TNFAIP8: variants seen among roughly 807,000 people sequenced by gnomAD.
The protein encoded by TNFAIP8 is TNF alpha induced protein 8, also known as tumor necrosis factor alpha-induced protein 8.
Under a neutral mutation model 13.3 loss-of-function variants are expected in TNFAIP8, and 7 were observed. The observed-to-expected ratio is 0.52, with a 90% CI of 0.30 to 0.99. The LOEUF is 0.99. TNFAIP8 is among the 50% of genes least tolerant of loss of function. The pLI is 0.07. For missense variants in TNFAIP8, 258 were observed against 236.9 expected (o/e 1.09, Z -0.58); for synonymous variants, 94 against 87.6 (o/e 1.07, Z -0.41).
intron 1 of TNFAIP8, among the ~76,000 whole-genome samples, chr5:119,369,381 C>G (rs1290596604): frequency 6.6e-6 from 1 of 152,184 alleles, no homozygotes; most frequent in African/African-American, 2.4e-5. Flanking sequence ...AAATGAATCC[C>G]TGGTCTGAAA....
rs188985998 is a variant in TNFAIP8 at position 119,277,440 on chromosome 5, T to A, written c.1+8533T>A. On this transcript the variant is annotated intron_variant, in intron 1 of 1. Coordinates refer to the TNFAIP8 transcript ENST00000274456. ...CTTCAGCCTGAAGAATAAAAATTTT[T>A]AATATTATAGCTCACGTCTACTGGC... 2.8e-3 allele frequency among the ~76,000 whole-genome samples: 420 copies of A among 152,290 alleles called. 1 individual carries two copies. Among genetic ancestry groups the A allele is most frequent in the African/African-American group, 9.6e-3 (398 of 41,554 alleles).
At chr5:119,392,072 T>G (rs1019083852) in intron 1 of TNFAIP8, among the ~76,000 whole-genome samples, 2 of 152,210 alleles carry the variant, frequency 1.3e-5, no homozygotes, top group African/African-American at 4.8e-5. Context: ...TGTAAAAATG[T>G]AAAGTGAACA....
chr5:119,283,920 C>T (rs1214111579), intron 1 of TNFAIP8, among the ~76,000 whole-genome samples: 3 of 152,138 alleles, frequency 2.0e-5, no homozygotes, highest in Non-Finnish European at 4.4e-5. Flanking sequence ...CAGCAGAAGT[C>T]ATACTGAAGA....
chr5:119,272,570 A>G (rs1473885620), intron 1 of TNFAIP8, among the ~76,000 whole-genome samples: 1 of 152,278 alleles, frequency 6.6e-6, no homozygotes, highest in Non-Finnish European at 1.5e-5. Flanking sequence ...TCAAATAACC[A>G]GTGGTATTAC....
At chr5:119,331,282 C>T (rs1750370489) in intron 1 of TNFAIP8, among the ~76,000 whole-genome samples, 1 of 150,256 alleles carries the variant, frequency 6.7e-6, no homozygotes. Flanking sequence ...GGTTTGACTG[C>T]TTCACAAATA....
In TNFAIP8 at chr5:119,356,903, TG is replaced by T. The variant is rs1380723290; in HGVS notation, c.31+788del. ...ATGTATACAAAAGTTCTCTTGTAAG[TG>T]GGGGGTGGGAGTAAGGGTGGTTGGG... On this transcript the variant is annotated intron_variant, in intron 1 of 1. Transcript: ENST00000504771. Among the ~76,000 whole-genome samples, 5 of 151,532 alleles carry T rather than the reference TG, an allele frequency of 3.3e-5. No homozygotes were observed. In the East Asian group the frequency reaches 9.7e-4, roughly 29 times the overall value.
intron 1 of TNFAIP8, among the ~76,000 whole-genome samples, chr5:119,329,754 C>A (rs1488190495): frequency 6.6e-6 from 1 of 151,836 alleles, no homozygotes; most frequent in African/African-American, 2.4e-5. Flanking sequence ...GAGCACCATG[C>A]ACACTGTGGA....
At chr5:119,283,805 A>T (rs1337396897) in intron 1 of TNFAIP8, among the ~76,000 whole-genome samples, 1 of 152,216 alleles carries the variant, frequency 6.6e-6, no homozygotes. Context: ...CAATTGAAGC[A>T]GTACTGGAAA....
At chr5:119,275,331 G>C (rs1182137008) in intron 1 of TNFAIP8, among the ~76,000 whole-genome samples, 1 of 152,146 alleles carries the variant, frequency 6.6e-6, no homozygotes, top group East Asian at 1.9e-4. Context: ...TGAAAATCTA[G>C]ACTTGAGTCA....
intron 1 of TNFAIP8, among the ~76,000 whole-genome samples, chr5:119,365,071 C>G (rs1157618764): frequency 6.6e-6 from 1 of 151,790 alleles, no homozygotes; most frequent in African/African-American, 2.4e-5. Context: ...AGGCTGGTCT[C>G]AAACTCCTGA....
intron 1 of TNFAIP8, among the ~76,000 whole-genome samples, chr5:119,315,769 G>A (rs559600172): frequency 1.2e-4 from 18 of 152,208 alleles, no homozygotes; most frequent in African/African-American, 3.6e-4. Context: ...TGGTAGTGTC[G>A]TCTATCTGAA....
At chr5:119,276,696 A>G (rs974880645) in intron 1 of TNFAIP8, among the ~76,000 whole-genome samples, 2 of 152,144 alleles carry the variant, frequency 1.3e-5, no homozygotes, top group African/African-American at 4.8e-5. Context: ...CTCCCTCTTC[A>G]TAGAGTGCCA....
chr5:119,288,185 C>A (rs990896969), intron 1 of TNFAIP8, among the ~76,000 whole-genome samples: 1 of 152,124 alleles, frequency 6.6e-6, no homozygotes, highest in South Asian at 2.1e-4. Context: ...ATAGCTGTGA[C>A]CATAGAATAT....
intron 1 of TNFAIP8, among the ~76,000 whole-genome samples, chr5:119,371,778 C>T (rs924420018): frequency 3.9e-5 from 6 of 152,182 alleles, no homozygotes; most frequent in Non-Finnish European, 5.9e-5. Flanking sequence ...GTAATCCTGG[C>T]ACTTTGGGAG....
chr5:119,288,057 C>T (rs996158247), intron 1 of TNFAIP8, among the ~76,000 whole-genome samples: 1 of 152,126 alleles, frequency 6.6e-6, no homozygotes, highest in African/African-American at 2.4e-5. Context: ...ATTACTAAGA[C>T]AACTCCCAGC....
chr5:119,309,258 C>A (rs1009190274), intron 1 of TNFAIP8, among the ~76,000 whole-genome samples: 1 of 152,212 alleles, frequency 6.6e-6, no homozygotes, highest in Non-Finnish European at 1.5e-5. Flanking sequence ...GAGGGCTTTT[C>A]TGTGGGTGCC....
At chr5:119,344,861 C>T (rs904608616) in intron 1 of TNFAIP8, among the ~76,000 whole-genome samples, 16 of 152,262 alleles carry the variant, frequency 1.1e-4, no homozygotes, top group South Asian at 2.1e-4. Flanking sequence ...ATATTAAGTA[C>T]GGTTAATATT....
intron 1 of TNFAIP8, among the ~76,000 whole-genome samples, chr5:119,350,893 C>T (rs1751100930): frequency 6.6e-6 from 1 of 152,030 alleles, no homozygotes; most frequent in Admixed American, 6.6e-5. Flanking sequence ...CATCAGCCTC[C>T]CCAGTCTTAT....
At chr5:119,306,314 C>CTTT (rs1324521590) in intron 1 of TNFAIP8, 5 of 135,950 alleles carry the variant, frequency 3.7e-5, no homozygotes, top group African/African-American at 1.7e-4. Context: ...TTCTTTCTTT[C>CTTT]TTTCTTTTTC....
Sources: allele counts gnomAD v4.1 joint callset (sites outside exome capture counted in the v4.1 genomes callset), GRCh38; gene constraint gnomAD v4.1.1; transcripts MANE v1.5; gene names NCBI Gene and HGNC (gene_info 2026-07-23, HGNC 2026-07-21).